The following RABGAP1L variants were observed in gnomAD, a reference collection of about 807,000 sequenced individuals.
The protein encoded by RABGAP1L is RAB GTPase activating protein 1 like.
A neutral mutation model predicts 137.7 loss-of-function variants in RABGAP1L; 63 were observed. The observed-to-expected ratio is 0.46, with a 90% confidence interval of 0.37 to 0.56. The LOEUF (loss-of-function observed/expected upper bound fraction) is 0.56, where lower values mean the gene tolerates loss of function less well. Ranked by LOEUF, RABGAP1L falls within the 20% of genes least tolerant of loss-of-function variation. The pLI is 0.00. For synonymous variants in RABGAP1L, 431 were observed against 433.7 expected (o/e 0.99, Z 0.08); for missense variants, 1,095 against 1,244.0 (o/e 0.88, Z 1.80).
chr1:174,305,070 G>C lies in RABGAP1L; in HGVS notation c.1408G>C (p.Val470Leu). 6.4e-7 allele frequency: 1 copy of C among 1,560,370 alleles called. No homozygotes were observed. The highest frequency in any genetic ancestry group is 8.6e-7 in the Non-Finnish European group (1 of 1,158,980). The change falls in exon 11 of 26, where the codon GTC becomes CTC. Residue 470 changes from valine to leucine, a missense_variant. Val to Leu is a conservative substitution (Grantham distance 32, BLOSUM62 1). This residue lies in a region of RABGAP1L where 315 missense variants were observed against 324.8 expected (regional missense o/e 0.97). Transcript: ENST00000681986. The stretch of plus-strand genomic sequence containing the variant: ...GCGAGAGTCTGACAAGGAGGAACCA[G>C]TCACTCCTACTAGTGGAGGGGGTCC... ...LQRESDKEEP[V>L]TPTSGGGPMS... is the part of the protein sequence containing the mutation.
At chr1:174,823,506 G>C (rs1691251858) in intron 19 of RABGAP1L, among the ~76,000 whole-genome samples, 1 of 152,124 alleles carries the variant, frequency 6.6e-6, no homozygotes, top group Non-Finnish European at 1.5e-5. Flanking sequence ...CAGAAGAAAA[G>C]AAAACATTCC....
chr1:174,616,358 A>C (rs1671864240), intron 13 of RABGAP1L, among the ~76,000 whole-genome samples: 1 of 152,220 alleles, frequency 6.6e-6, no homozygotes, highest in Non-Finnish European at 1.5e-5. Context: ...GAGAATTTAA[A>C]CTTCAAAGCA....
chr1:174,400,555 C>CTA (rs1648448074), intron 13 of RABGAP1L, among the ~76,000 whole-genome samples: 1 of 152,144 alleles, frequency 6.6e-6, no homozygotes, highest in Non-Finnish European at 1.5e-5. Flanking sequence ...TTTCCATCAA[C>CTA]TATAGCCTTA....
At chr1:174,456,938 A>T (rs1347808504) in intron 13 of RABGAP1L, among the ~76,000 whole-genome samples, 1 of 152,184 alleles carries the variant, frequency 6.6e-6, no homozygotes, top group East Asian at 1.9e-4. Context: ...CAAATCTATA[A>T]ATTAGGTCAA....
intron 18 of RABGAP1L, among the ~76,000 whole-genome samples, chr1:174,774,853 T>C (rs1397064375): frequency 6.6e-6 from 1 of 152,118 alleles, no homozygotes; most frequent in Non-Finnish European, 1.5e-5. Flanking sequence ...CACTCCAGTA[T>C]GGGCAACAGA....
chr1:174,163,626 C>G (rs914990153), intron 1 of RABGAP1L, among the ~76,000 whole-genome samples: 3 of 146,888 alleles, frequency 2.0e-5, no homozygotes, highest in Non-Finnish European at 4.5e-5. Flanking sequence ...AAAAAAAAAA[C>G]CCAACAACAA....
chr1:174,811,997 A>G, intron 19 of RABGAP1L, 37 bp downstream of exon 19: 4 of 1,545,288 alleles, frequency 2.6e-6, no homozygotes, highest in Non-Finnish European at 3.5e-6. Flanking sequence ...AAGGTAAAAT[A>G]TGAGTGCAGA....
intron 19 of RABGAP1L, among the ~76,000 whole-genome samples, chr1:174,886,374 G>C (rs1327841331): frequency 6.6e-6 from 1 of 152,154 alleles, no homozygotes; most frequent in Non-Finnish European, 1.5e-5. Flanking sequence ...TCAAATTGTA[G>C]TACTCAAACT....
At chr1:174,849,375 C>T (rs1037515919) in intron 19 of RABGAP1L, among the ~76,000 whole-genome samples, 16 of 152,048 alleles carry the variant, frequency 1.1e-4, no homozygotes, top group Non-Finnish European at 2.2e-4. Flanking sequence ...GGCCATATGA[C>T]GAATTTAAAA....
intron 19 of RABGAP1L, among the ~76,000 whole-genome samples, chr1:174,909,640 T>C (rs1179262876): frequency 1.3e-5 from 2 of 152,196 alleles, no homozygotes; most frequent in Non-Finnish European, 2.9e-5. Context: ...ATCGAAACTT[T>C]AGCTAGACTG....
intron 20 of RABGAP1L, among the ~76,000 whole-genome samples, chr1:174,958,580 G>T (rs1340726529): frequency 1.3e-5 from 2 of 152,170 alleles, no homozygotes; most frequent in African/African-American, 4.8e-5. Flanking sequence ...CCCACATTGG[G>T]ATGACTTCCA....
chr1:174,472,315 G>A (rs1373646373), intron 13 of RABGAP1L, among the ~76,000 whole-genome samples: 1 of 152,160 alleles, frequency 6.6e-6, no homozygotes, highest in Non-Finnish European at 1.5e-5. Flanking sequence ...TATAAGAGAA[G>A]GGTCCATGGG....
intron 13 of RABGAP1L, among the ~76,000 whole-genome samples, chr1:174,478,299 C>T (rs1325424937): frequency 1.3e-5 from 2 of 151,740 alleles, no homozygotes; most frequent in African/African-American, 4.8e-5. Flanking sequence ...GAGACAGGAT[C>T]TCAGTCTGTT....
At chr1:174,278,850 A>C (rs1425437031) in intron 10 of RABGAP1L, 71 bp downstream of exon 10, 1 of 1,229,342 alleles carries the variant, frequency 8.1e-7, no homozygotes, top group African/African-American at 1.6e-5. Context: ...TTTAATGCCA[A>C]GATAATTCCT....
intron 18 of RABGAP1L, among the ~76,000 whole-genome samples, chr1:174,807,766 G>T (rs1433036271): frequency 6.6e-6 from 1 of 152,014 alleles, no homozygotes; most frequent in East Asian, 1.9e-4. Context: ...AAAAATATAA[G>T]TTCTTCCAAC....
At chr1:174,283,137 T>G (rs1675723163) in intron 10 of RABGAP1L, among the ~76,000 whole-genome samples, 1 of 151,856 alleles carries the variant, frequency 6.6e-6, no homozygotes, top group African/African-American at 2.4e-5. Context: ...ACGCAGTGGC[T>G]CACACTGGTA....
intron 10 of RABGAP1L, among the ~76,000 whole-genome samples, chr1:174,297,632 G>C (rs1019192167): frequency 2.0e-5 from 3 of 152,122 alleles, no homozygotes; most frequent in Non-Finnish European, 2.9e-5. Context: ...CTGCTGATAG[G>C]GGGTGCTGTT....
chr1:174,893,089 A>T, intron 19 of RABGAP1L: 1 of 361,992 alleles, frequency 2.8e-6, no homozygotes. Flanking sequence ...TTTGTATTGG[A>T]AAGTGATTGG....
At chr1:174,350,576 G>A (rs1164285792) in intron 11 of RABGAP1L, among the ~76,000 whole-genome samples, 4 of 119,602 alleles carry the variant, frequency 3.3e-5, no homozygotes, top group African/African-American at 6.6e-5. Context: ...ATGGGATGGC[G>A]GCCGGGCAGA....
Sources: allele counts gnomAD v4.1 joint callset (sites outside exome capture counted in the v4.1 genomes callset), GRCh38; gene constraint gnomAD v4.1.1; regional missense constraint gnomAD v4.1.1; transcripts MANE v1.5; gene names NCBI Gene and HGNC (gene_info 2026-07-23, HGNC 2026-07-21).